Variants in PPARG observed in about 807,000 individuals in gnomAD.
The protein encoded by PPARG is peroxisome proliferator activated receptor gamma.
PPARG carries 17 observed loss-of-function variants against 39.2 expected under a neutral mutation model. The observed-to-expected ratio is 0.43, with a 90% CI of 0.30 to 0.65. PPARG has a LOEUF of 0.65. Among genes scored for constraint, PPARG ranks in the 30% least tolerant of loss-of-function variants. PPARG has a pLI of 0.13. For missense variants in PPARG, 406 were observed against 585.9 expected, an observed-to-expected ratio of 0.69 and a Z score of 3.17; for synonymous variants, 223 against 215.7, an observed-to-expected ratio of 1.03 and a Z score of -0.30.
At chr3:12,401,664 A>G (rs1354941915) in intron 5 of PPARG, among the ~76,000 whole-genome samples, 1 of 151,860 alleles carries the variant, frequency 6.6e-6, no homozygotes, top group Non-Finnish European at 1.5e-5. Flanking sequence ...TTTCTGTACA[A>G]TTTCAGATTT....
At chr3:12,400,582 T>C (rs1297575349) in intron 5 of PPARG, among the ~76,000 whole-genome samples, 1 of 152,236 alleles carries the variant, frequency 6.6e-6, no homozygotes, top group Non-Finnish European at 1.5e-5. Context: ...ATACCAGATT[T>C]CTCTGTAGGT....
At chr3:12,414,419 C>T (rs1035835946) in intron 6 of PPARG, among the ~76,000 whole-genome samples, 1 of 152,078 alleles carries the variant, frequency 6.6e-6, no homozygotes, top group Non-Finnish European at 1.5e-5. Context: ...GAGTTCAAGA[C>T]CAGCCCAGGC....
At chr3:12,380,367 TC>T (rs2049598065) in intron 3 of PPARG, among the ~76,000 whole-genome samples, 1 of 152,218 alleles carries the variant, frequency 6.6e-6, no homozygotes, top group Admixed American at 6.5e-5. Flanking sequence ...TTCTAGTATG[TC>T]CTTTCAGGAG....
At chr3:12,346,826 G>A (rs1471848423) in intron 2 of PPARG, among the ~76,000 whole-genome samples, 1 of 151,684 alleles carries the variant, frequency 6.6e-6, no homozygotes, top group African/African-American at 2.4e-5. Context: ...TATAGAGGCA[G>A]GGTCTCACTC....
intron 2 of PPARG, among the ~76,000 whole-genome samples, chr3:12,314,994 A>G (rs2047351267): frequency 6.6e-6 from 1 of 152,148 alleles, no homozygotes; most frequent in Non-Finnish European, 1.5e-5. Context: ...TCTTCTAGCT[A>G]TTGGAAAATA....
chr3:12,313,221 A>G (rs2047298490), intron 2 of PPARG, among the ~76,000 whole-genome samples: 3 of 152,194 alleles, frequency 2.0e-5, no homozygotes, highest in Admixed American at 2.0e-4. Context: ...ACATTGAATA[A>G]AGAATCATCA....
At chr3:12,378,077 C>G (rs569994535) in intron 2 of PPARG, among the ~76,000 whole-genome samples, 1 of 152,258 alleles carries the variant, frequency 6.6e-6, no homozygotes, top group East Asian at 1.9e-4. Flanking sequence ...GATATCATCT[C>G]ACACCCATTA....
intron 2 of PPARG, among the ~76,000 whole-genome samples, chr3:12,330,302 T>TTAAA (rs371742787): frequency 1.3e-4 from 16 of 121,064 alleles, no homozygotes; most frequent in African/African-American, 4.4e-4. Context: ...CACCTTTTTT[T>TTAAA]AAAAAAAAAA....
intron 2 of PPARG, among the ~76,000 whole-genome samples, chr3:12,363,880 ATTTTTT>A (rs2048931129): frequency 3.3e-5 from 5 of 151,828 alleles, no homozygotes; most frequent in African/African-American, 1.2e-4. Context: ...CTTCTTTTTT[ATTTTTT>A]AATTAATAAC....
chr3:12,319,627 A>G (rs543922861), intron 2 of PPARG, among the ~76,000 whole-genome samples: 14 of 152,256 alleles, frequency 9.2e-5, no homozygotes, highest in African/African-American at 3.4e-4. Context: ...AATTACATAC[A>G]ATAGTAATTT....
At chr3:12,396,953 C>CTGGAGT (rs139232179) in intron 5 of PPARG, among the ~76,000 whole-genome samples, 17,215 of 151,980 alleles carry the variant, frequency 0.11, 1,624 homozygotes, top group South Asian at 0.43. Context: ...ACCTCAGCAT[C>CTGGAGT]TGGAGTTGCT....
chr3:12,419,400 A>G (rs1033314670), intron 7 of PPARG, among the ~76,000 whole-genome samples: 3 of 152,182 alleles, frequency 2.0e-5, no homozygotes, highest in African/African-American at 7.2e-5. Context: ...GCCAGAAGAA[A>G]AATATTAAAT....
rs563349638 is a variant in PPARG, at chr3:12,383,535, T to C, written c.390+2044T>C. 5.9e-5 allele frequency among the ~76,000 whole-genome samples: 9 copies of C among 152,266 alleles called. No individual in the cohort carries two copies. In the South Asian group the frequency reaches 1.9e-3, roughly 32 times the overall value. Reference sequence around the variant, plus strand: ...ACTGTTGCTAAATTCTGAGCCATATTTATCTGAAGAAACCATTCTGTTTTG... The same window carrying C: ...ACTGTTGCTAAATTCTGAGCCATATCTATCTGAAGAAACCATTCTGTTTTG... On this transcript the variant is annotated intron_variant, in intron 4 of 7. Coordinates refer to ENST00000651735, the MANE Select transcript of PPARG (RefSeq NM_138711.6).
At chr3:12,361,124 C>G (rs2048833747) in intron 2 of PPARG, among the ~76,000 whole-genome samples, 1 of 152,142 alleles carries the variant, frequency 6.6e-6, no homozygotes. Context: ...GTATCATATT[C>G]TAATTTTAAT....
At chr3:12,398,671 C>A (rs900134892) in intron 5 of PPARG, among the ~76,000 whole-genome samples, 1 of 152,032 alleles carries the variant, frequency 6.6e-6, no homozygotes, top group African/African-American at 2.4e-5. Flanking sequence ...TTAGAGGACC[C>A]AGAACAGCAG....
At chr3:12,359,338 C>T (rs1359751783) in intron 2 of PPARG, among the ~76,000 whole-genome samples, 1 of 152,096 alleles carries the variant, frequency 6.6e-6, no homozygotes, top group African/African-American at 2.4e-5. Flanking sequence ...AAGAGAAACA[C>T]ACTAGTAAAA....
At chr3:12,397,382 TTATTATTA>T (rs1559523950) in intron 5 of PPARG, among the ~76,000 whole-genome samples, 30 of 15,946 alleles carry the variant, frequency 1.9e-3, no homozygotes, top group African/African-American at 3.4e-3. Context: ...TTCCTTTTTA[TTATTATTA>T]TTATTATTAT....
intron 6 of PPARG, 26 bp from the exon 7 acceptor site, chr3:12,416,678 C>A (rs1238267070): frequency 1.2e-6 from 2 of 1,600,620 alleles, no homozygotes; most frequent in Middle Eastern, 1.7e-4. Flanking sequence ...TCCAAGTCAT[C>A]CACGTTTTCC....
At chr3:12,392,486 C>T in intron 4 of PPARG, 128 bp from the exon 5 acceptor site, 1 of 1,021,942 alleles carries the variant, frequency 9.8e-7, no homozygotes, top group Non-Finnish European at 1.5e-6. Flanking sequence ...TGTCTAAAGT[C>T]ACCAGTGACA....
Sources: gnomAD v4.1 joint callset for allele counts (sites outside exome capture counted in the v4.1 genomes callset) on GRCh38, gnomAD v4.1.1 for gene constraint, MANE v1.5 for transcripts, NCBI Gene and HGNC (gene_info 2026-07-23, HGNC 2026-07-21) for gene names.